PRRC2B: variants seen among roughly 807,000 people sequenced by gnomAD.
PRRC2B encodes protein PRRC2B.
A neutral mutation model predicts 242.3 loss-of-function variants in PRRC2B; 68 were observed. The observed-to-expected ratio is 0.28, with a 90% CI of 0.23 to 0.34. The LOEUF (loss-of-function observed/expected upper bound fraction) is 0.34, where lower values mean the gene tolerates loss of function less well. Ranked by LOEUF, PRRC2B falls within the 10% of genes least tolerant of loss-of-function variation. The pLI is 1.00. For synonymous variants in PRRC2B, 1,228 were observed against 1,173.6 expected (o/e 1.05, Z -0.95); for missense variants, 2,835 against 2,954.8 (o/e 0.96, Z 0.94).
intron 1 of PRRC2B, among the ~76,000 whole-genome samples, chr9:131,400,683 A>G (rs780428265): frequency 6.6e-5 from 10 of 152,034 alleles, no homozygotes; most frequent in Non-Finnish European, 1.2e-4. Context: ...AAGTGCTGGG[A>G]TTACAGGCAT....
rs1016360617 is a variant in PRRC2B, at chr9:131,446,887, C to T, written c.856-198C>T. On this transcript the variant is annotated intron_variant, in intron 7 of 31. Coordinates refer to ENST00000683519, the MANE Select transcript of PRRC2B (RefSeq NM_013318.4). This position sits in a 1 kb window ranked among gnomAD's most constrained non-coding sequence, Gnocchi z 4.1. Reference sequence around the variant, plus strand: ...TTTAGAAACAGGAGAGGCAGGTTTTCCCTGACATAGGTCCCCAAGTCTACT... The same window carrying T: ...TTTAGAAACAGGAGAGGCAGGTTTTTCCTGACATAGGTCCCCAAGTCTACT... Among the ~76,000 whole-genome samples, 2 of 152,160 alleles carry T rather than the reference C, an allele frequency of 1.3e-5. No individual in the cohort carries two copies. Among genetic ancestry groups the T allele is most frequent in the African/African-American group, 2.4e-5 (1 of 41,432 alleles).
rs79480657 is a variant in PRRC2B, at chr9:131,379,498, A to G, written c.-56+5767A>G. 3.3e-3 allele frequency among the ~76,000 whole-genome samples: 496 copies of G among 152,226 alleles called. 1 individual carries two copies. Among genetic ancestry groups the G allele is most frequent in the African/African-American group, 0.011 (477 of 41,560 alleles). ...ATGATGGCCATGCTAGTGGGTACAAAGTTGTATCTCATAGTGGTTTTGATT... is the reference window on the plus strand; with the variant it reads ...ATGATGGCCATGCTAGTGGGTACAAGGTTGTATCTCATAGTGGTTTTGATT... On this transcript the variant is annotated intron_variant, in intron 1 of 1. Coordinates refer to the PRRC2B transcript ENST00000682525.
chr9:131,379,314 T>G (rs970949178), intron 1 of PRRC2B, among the ~76,000 whole-genome samples: 1 of 152,194 alleles, frequency 6.6e-6, no homozygotes, highest in South Asian at 2.1e-4. Context: ...TATCCAGGAG[T>G]AGAATTTCTG....
chr9:131,410,609 GTTAT>G (rs1837483886), intron 1 of PRRC2B, among the ~76,000 whole-genome samples: 1 of 152,204 alleles, frequency 6.6e-6, no homozygotes, highest in Non-Finnish European at 1.5e-5. Context: ...CCTTGAACTA[GTTAT>G]TTAACCTTGC....
rs1157308366 is a variant in PRRC2B, at chr9:131,446,271, CT to C, written c.614-126del. On this transcript the variant is annotated intron_variant, in intron 6 of 31. Transcript: ENST00000683519. This position sits in a 1 kb window ranked among gnomAD's most constrained non-coding sequence, Gnocchi z 4.1. ...CCCTGACAGATTTAACAGTTCTTCACTTTTGGTGTTTTTTGTTTTTCATTTT... is the reference window on the plus strand; with the variant it reads ...CCCTGACAGATTTAACAGTTCTTCACTTTGGTGTTTTTTGTTTTTCATTTT... The C allele has an allele frequency of 4.4e-6, 5 of 1,141,124 alleles. No individual in the cohort carries two copies. The African/African-American group carries it at 6.2e-5, about 14-fold the overall frequency. The allele number at this position is 1,141,124 out of a possible 1,614,324, so 70.7% of individuals were successfully genotyped here.
chr9:131,452,155 CTTTCTTTTTT>C (rs1453449868), intron 9 of PRRC2B, among the ~76,000 whole-genome samples: 1 of 151,218 alleles, frequency 6.6e-6, no homozygotes, highest in Non-Finnish European at 1.5e-5. Flanking sequence ...TTTTCTTTTT[CTTTCTTTTTT>C]GAGACAGGGT....
At chr9:131,491,352 G>A (rs1199408381) in intron 28 of PRRC2B, 73 bp from the exon 29 acceptor site, 26 of 1,403,118 alleles carry the variant, frequency 1.9e-5, no homozygotes, top group Non-Finnish European at 2.0e-5. Flanking sequence ...GTGCATGTGC[G>A]GTCGCTCTTT....
intron 28 of PRRC2B, 117 bp downstream of exon 28, chr9:131,488,213 A>T: frequency 7.2e-7 from 1 of 1,385,180 alleles, no homozygotes; most frequent in Middle Eastern, 1.9e-4. Flanking sequence ...GTTGGTAGCC[A>T]CCGTGCCCAT....
chr9:131,459,873 G>T (rs571975348), intron 11 of PRRC2B, among the ~76,000 whole-genome samples: 7 of 150,496 alleles, frequency 4.7e-5, no homozygotes, highest in African/African-American at 1.7e-4. Flanking sequence ...AAACAGCCAG[G>T]CATGGTGGCT....
intron 9 of PRRC2B, among the ~76,000 whole-genome samples, chr9:131,451,906 A>G (rs1394128417): frequency 1.3e-5 from 2 of 148,964 alleles, no homozygotes; most frequent in Non-Finnish European, 3.0e-5. Context: ...CTTAGAATAA[A>G]CCCTCCCTCT....
rs1182791895 is a variant in PRRC2B at position 131,430,593 on chromosome 9, GTGTATA to G, written c.115+336_115+341del. On this transcript the variant is annotated intron_variant, in intron 2 of 31. Transcript: ENST00000683519. ...TGTGTGTGTGTGTGTGTGTGTGTGT[GTGTATA>G]TATATGTTTTGGAGACAGAGTCTCA... Among the ~76,000 whole-genome samples, 505 of 135,870 alleles carry G rather than the reference GTGTATA, an allele frequency of 3.7e-3. 2 individuals carry two copies. The highest frequency in any genetic ancestry group is 0.011 in the African/African-American group (384 of 34,612). 89.1% of individuals were successfully genotyped at this position (135,870 alleles called of 152,430 possible). A position where few individuals can be genotyped will look rare whatever the true frequency, so the allele number is the denominator to read the frequency against.
chr9:131,377,358 G>A (rs560838443), intron 1 of PRRC2B, among the ~76,000 whole-genome samples: 6 of 152,174 alleles, frequency 3.9e-5, no homozygotes, highest in African/African-American at 1.2e-4. Context: ...CGTGATCCGC[G>A]CGCCTCAGCC....
chr9:131,415,598 T>C (rs1208223305), intron 1 of PRRC2B, among the ~76,000 whole-genome samples: 1 of 152,088 alleles, frequency 6.6e-6, no homozygotes, highest in Non-Finnish European at 1.5e-5. Context: ...AAAAAGTCTT[T>C]TTCTGTCCCT....
intron 1 of PRRC2B, among the ~76,000 whole-genome samples, chr9:131,400,023 G>A (rs903820243): frequency 2.6e-5 from 4 of 152,084 alleles, no homozygotes; most frequent in Admixed American, 2.6e-4. Flanking sequence ...GGACAGGATC[G>A]GTTGTCTCCT....
chr9:131,485,012 G>T lies in PRRC2B; in HGVS notation c.5630G>T (p.Gly1877Val), dbSNP rs1478940916. 6.2e-7 allele frequency: 1 copy of T among 1,613,256 alleles called. No individual in the cohort carries two copies. The highest frequency in any genetic ancestry group is 1.7e-5 in the Admixed American group (1 of 59,962). The change falls in exon 25 of 32, where the codon GGC becomes GTC. Residue 1877 changes from glycine to valine, a missense_variant. Around this residue, in one of 7 missense-constraint regions of PRRC2B, gnomAD observed 574 missense variants for 626.0 expected, o/e 0.92. Transcript: ENST00000683519. Reference protein sequence around the residue: ...PSLPEQSSPGGAGSGIQPPSS... With the variant: ...PSLPEQSSPGVAGSGIQPPSS... ...TTGCCGGAGCAGAGCTCTCCAGGCG[G>T]CGCTGGCTCAGGCATCCAGCCTCCA...
At chr9:131,382,998 A>T (rs1284481508) in intron 1 of PRRC2B, among the ~76,000 whole-genome samples, 1 of 151,992 alleles carries the variant, frequency 6.6e-6, no homozygotes, top group African/African-American at 2.4e-5. Context: ...CCACATCTCT[A>T]GTGGCTACCA....
At chr9:131,444,495 A>AGGCCATTGG (rs1838722433) in intron 6 of PRRC2B, among the ~76,000 whole-genome samples, 167 bp downstream of exon 6, 1 of 152,158 alleles carries the variant, frequency 6.6e-6, no homozygotes, top group African/African-American at 2.4e-5. Context: ...CTTGCTGCCT[A>AGGCCATTGG]GGCCATTGGA....
chr9:131,385,862 C>T (rs1326999113), intron 1 of PRRC2B, among the ~76,000 whole-genome samples: 3 of 149,558 alleles, frequency 2.0e-5, no homozygotes, highest in Non-Finnish European at 4.5e-5. Context: ...CCCGGCTAAT[C>T]TTTTGTATTT....
At chr9:131,430,561 A>ATGTG (rs200517031) in intron 2 of PRRC2B, among the ~76,000 whole-genome samples, 19,832 of 118,374 alleles carry the variant, frequency 0.17, 1,837 homozygotes, top group East Asian at 0.4. Flanking sequence ...GTGTGTGTGT[A>ATGTG]TGTGTGTGTG....
Sources: allele counts gnomAD v4.1 joint callset (sites outside exome capture counted in the v4.1 genomes callset), GRCh38; gene constraint gnomAD v4.1.1; regional missense constraint gnomAD v4.1.1; non-coding constraint Gnocchi (gnomAD v3.1); transcripts MANE v1.5; gene names NCBI Gene and HGNC (gene_info 2026-07-23, HGNC 2026-07-21).